TALDO1: variants seen among roughly 807,000 people sequenced by gnomAD.
TALDO1 encodes transaldolase 1.
Under a neutral mutation model 38.1 loss-of-function variants are expected in TALDO1, and 29 were observed. The ratio of observed to expected loss-of-function variants is 0.76; its 90% confidence interval spans 0.57 to 1.04. The LOEUF (loss-of-function observed/expected upper bound fraction) is 1.04. TALDO1 is among the 50% of genes least tolerant of loss of function. TALDO1 has a pLI of 0.00. For missense variants in TALDO1, 499 were observed against 438.1 expected (o/e 1.14, Z -1.24); for synonymous variants, 207 against 176.8 (o/e 1.17, Z -1.36).
At chr11:759,976 C>T in intron 3 of TALDO1, 146 bp from the exon 4 acceptor site, 9 of 1,134,274 alleles carry the variant, frequency 7.9e-6, no homozygotes, top group Non-Finnish European at 1.2e-5. Context: ...TTCTGCAAAC[C>T]TCCAGTGAGG....
At chr11:764,010 C>A in intron 6 of TALDO1, 66 bp downstream of exon 6, 1 of 1,564,882 alleles carries the variant, frequency 6.4e-7, no homozygotes, top group Non-Finnish European at 8.6e-7. Flanking sequence ...GCCACGCTGC[C>A]CTGTGGGTGA....
chr11:747,677 G>A, intron 1 of TALDO1, 99 bp downstream of exon 1: 1 of 1,102,668 alleles, frequency 9.1e-7, no homozygotes, highest in East Asian at 2.9e-5. Flanking sequence ...CGGACCGGGT[G>A]GCGGTGCCCC....
At chr11:758,118 C>T (rs570242287) in intron 2 of TALDO1, among the ~76,000 whole-genome samples, 74 of 152,302 alleles carry the variant, frequency 4.9e-4, no homozygotes, top group African/African-American at 1.7e-3. Flanking sequence ...CCCGTCTCCA[C>T]CAAAAATACA....
At chr11:754,574 C>T (rs953577478) in intron 1 of TALDO1, among the ~76,000 whole-genome samples, 3 of 151,962 alleles carry the variant, frequency 2.0e-5, no homozygotes, top group African/African-American at 7.3e-5. Context: ...TGGGTTCAAG[C>T]GATTCTCTTG....
chr11:756,867 T>A (rs1862846870), intron 2 of TALDO1, among the ~76,000 whole-genome samples: 1 of 152,214 alleles, frequency 6.6e-6, no homozygotes, highest in African/African-American at 2.4e-5. Context: ...CTCTGGTACC[T>A]GTTTGCAGTA....
intron 3 of TALDO1, among the ~76,000 whole-genome samples, chr11:759,556 G>A (rs747434591): frequency 6.6e-5 from 10 of 152,102 alleles, no homozygotes; most frequent in East Asian, 1.9e-4. Context: ...CACTGTGCCC[G>A]GCTGCTAGTG....
chr11:749,421 T>A (rs967733212), intron 1 of TALDO1, among the ~76,000 whole-genome samples: 23 of 113,410 alleles, frequency 2.0e-4, no homozygotes, highest in African/African-American at 4.5e-4. Context: ...AAAAAAAAAA[T>A]CTTCTAAACC....
At chr11:762,915 G>A (rs559362953) in intron 4 of TALDO1, among the ~76,000 whole-genome samples, 2 of 152,220 alleles carry the variant, frequency 1.3e-5, no homozygotes, top group African/African-American at 4.8e-5. Flanking sequence ...AGTGGTTCTA[G>A]CCTGGGAGCT....
chr11:761,978 T>C (rs2133579691), intron 4 of TALDO1, among the ~76,000 whole-genome samples: 1 of 151,954 alleles, frequency 6.6e-6, no homozygotes, highest in Non-Finnish European at 1.5e-5. Flanking sequence ...TTGTTTTTTT[T>C]TGTTTTTGAG....
chr11:759,612 G>A (rs768841208), intron 3 of TALDO1, among the ~76,000 whole-genome samples: 7 of 151,462 alleles, frequency 4.6e-5, no homozygotes, highest in African/African-American at 1.7e-4. Flanking sequence ...ACAGAGTCTC[G>A]CTCTGTTGCC....
chr11:763,923 C>T lies in TALDO1; in HGVS notation c.814C>T (p.Pro272Ser), dbSNP rs774889866. ...ELLQDNAKLV[P>S]VLSAKAAQAS... Reference sequence around the variant, plus strand: ...GCTGCAGGACAACGCCAAGCTGGTGCCTGTGCTCTCAGCCAAGGCGGGTGA... The same window carrying T: ...GCTGCAGGACAACGCCAAGCTGGTGTCTGTGCTCTCAGCCAAGGCGGGTGA... The change falls in exon 6 of 8, where the codon CCT becomes TCT. Residue 272 changes from proline (P) to serine (S), a missense_variant. Physicochemically the swap from Pro to Ser is moderately conservative, Grantham distance 74. Transcript: ENST00000319006. 5 of 1,610,792 alleles carry T rather than the reference C, an allele frequency of 3.1e-6. No individual in the cohort carries two copies. The highest frequency in any genetic ancestry group is 1.3e-5 in the African/African-American group (1 of 74,928).
In TALDO1 at chr11:763,760, C is replaced by T; in HGVS notation, c.651C>T (p.Val217=). ...GTCTCTTTCCAGGGGTAAAGAGTGT[C>T]ACTAAAATCTACAACTACTACAAGA... ...EPLEDPGVKS[V]TKIYNYYKKF... Residue 217 remains valine, a synonymous_variant, in exon 6 of 8, where the codon GTC becomes GTT. Transcript: ENST00000319006. 4 of 1,614,044 alleles carry T rather than the reference C, an allele frequency of 2.5e-6. No individual in the cohort carries two copies. Among genetic ancestry groups the T allele is most frequent in the Non-Finnish European group, 3.4e-6 (4 of 1,180,018 alleles).
rs751178139 is a variant in TALDO1, at chr11:763,182, TTCACCTGCCCCGCCC to T, written c.462-135_462-121del. Among the ~76,000 whole-genome samples the T allele has an allele frequency of 9.7e-3, 1,119 of 115,704 alleles. 32 individuals are homozygous for T. Among genetic ancestry groups the T allele is most frequent in the Middle Eastern group, 0.035 (9 of 254 alleles). 75.9% of individuals were successfully genotyped at this position (115,704 alleles called of 152,430 possible). On this transcript the variant is annotated intron_variant, in intron 4 of 7. Transcript: ENST00000319006. The stretch of plus-strand genomic sequence containing the variant: ...GCTCTGGGTGGGCACCTGGCCTGCA[TTCACCTGCCCCGCCC>T]TCACCTGCCCCGCCCTCACCTGCCC...
At position 758,990 on chromosome 11, in the gene TALDO1, T is replaced by C. The variant is rs753999490; in HGVS notation, c.262T>C (p.Phe88Leu). The C allele has an allele frequency of 1.2e-6, 2 of 1,612,864 alleles. No individual in the cohort carries two copies. Among genetic ancestry groups the C allele is most frequent in the East Asian group, 2.2e-5 (1 of 44,832 alleles). The change falls in exon 3 of 8, where the codon TTT becomes CTT. Residue 88 changes from phenylalanine to leucine, a missense_variant. By Grantham distance (22) the Phe-to-Leu change is conservative. Coordinates refer to ENST00000319006, the MANE Select transcript of TALDO1 (RefSeq NM_006755.2). Reference protein sequence around the residue: ...DQIKNAIDKLFVLFGAEILKK... With the variant: ...DQIKNAIDKLLVLFGAEILKK... ...GATTAAAAATGCTATTGATAAACTT[T>C]TTGTGTTGTTTGGAGCAGAAATACT...
At chr11:754,105 C>T (rs1245687153) in intron 1 of TALDO1, among the ~76,000 whole-genome samples, 1 of 151,980 alleles carries the variant, frequency 6.6e-6, no homozygotes, top group Non-Finnish European at 1.5e-5. Context: ...CTGCCACAGC[C>T]TCCCGAGTAG....
intron 2 of TALDO1, among the ~76,000 whole-genome samples, chr11:756,821 T>A (rs1478828196): frequency 6.6e-6 from 1 of 152,152 alleles, no homozygotes; most frequent in Non-Finnish European, 1.5e-5. Flanking sequence ...CCTGGCTTTT[T>A]AATTTTTTAA....
Position 758,857 on chromosome 11 carries a change from G to A in TALDO1, c.222-93G>A, listed in dbSNP as rs969377124. 37 of 904,574 alleles carry A rather than the reference G, an allele frequency of 4.1e-5. No individual in the cohort carries two copies. In the East Asian group the frequency reaches 5.7e-4, roughly 14 times the overall value. The allele number at this position is 904,574 out of a possible 1,614,324, so 56.0% of individuals were successfully genotyped here. ...CCTGACCTCATGATCCGCCCACCTC[G>A]GCCTCCCAAAGTGCTGGGATTACAG... On this transcript the variant is annotated intron_variant, in intron 2 of 7. Coordinates refer to ENST00000319006, the MANE Select transcript of TALDO1 (RefSeq NM_006755.2).
At chr11:757,384 C>G (rs1052086350) in intron 2 of TALDO1, among the ~76,000 whole-genome samples, 1 of 151,552 alleles carries the variant, frequency 6.6e-6, no homozygotes, top group Non-Finnish European at 1.5e-5. Context: ...CCTCTACATC[C>G]TAGGCTCAAG....
chr11:756,025 G>C lies in TALDO1; in HGVS notation c.221+23G>C, dbSNP rs758176141. On this transcript the variant is annotated intron_variant, in intron 2 of 7. Coordinates refer to ENST00000319006, the MANE Select transcript of TALDO1 (RefSeq NM_006755.2). ...CGGGTGAGTGCCTGGACTCGGGAGG[G>C]TCCCAGCTAGGCCCTCGTGCTAGTC... is the stretch of plus-strand genomic sequence containing the variant. 2.5e-6 allele frequency: 4 copies of C among 1,608,862 alleles called. No homozygotes were observed. In the South Asian group the frequency reaches 4.4e-5, roughly 18 times the overall value.
Sources: gnomAD v4.1 joint callset for allele counts (sites outside exome capture counted in the v4.1 genomes callset) on GRCh38, gnomAD v4.1.1 for gene constraint, MANE v1.5 for transcripts, NCBI Gene and HGNC (gene_info 2026-07-23, HGNC 2026-07-21) for gene names.